Variants in SYNC observed in about 807,000 individuals in gnomAD.
SYNC encodes syncoilin.
In SYNC, 38 loss-of-function variants were observed where a neutral mutation model predicts 49.5. The observed-to-expected ratio is 0.77, with a 90% CI of 0.59 to 1.01. The LOEUF is 1.01. Among genes scored for constraint, SYNC ranks in the 50% least tolerant of loss-of-function variants. The pLI is 0.00. For synonymous variants in SYNC, 201 were observed against 230.8 expected (o/e 0.87, Z 1.17); for missense variants, 579 against 580.6 (o/e 1.00, Z 0.03).
In SYNC at chr1:32,680,839, A is replaced by G; in HGVS notation, c.*1011T>C. On this transcript the variant is annotated 3_prime_UTR_variant, in exon 5 of 5. Transcript: ENST00000409190. Reference sequence around the variant, plus strand: ...CTTCCCAGGGAAAGTGAAAGACATAAAACACTGAATCAGAGGTGGCACAGA... The same window carrying G: ...CTTCCCAGGGAAAGTGAAAGACATAGAACACTGAATCAGAGGTGGCACAGA... The G allele has an allele frequency of 2.8e-6, 1 of 361,110 alleles. No homozygotes were observed. Among genetic ancestry groups the G allele is most frequent in the Non-Finnish European group, 5.0e-6 (1 of 200,028 alleles). The allele number at this position is 361,110 out of a possible 1,614,324, so 22.4% of individuals were successfully genotyped here.
chr1:32,698,342 C>A (rs1650524377), intron 1 of SYNC, among the ~76,000 whole-genome samples: 1 of 151,818 alleles, frequency 6.6e-6, no homozygotes, highest in African/African-American at 2.4e-5. Context: ...CACAGTGAAA[C>A]CCCGTCTCTA....
upstream of SYNC, chr1:32,703,581 C>G (rs1045382430): frequency 6.6e-6 from 1 of 152,274 alleles, no homozygotes; most frequent in Non-Finnish European, 1.5e-5. Flanking sequence ...CTTCGGATTC[C>G]TTTTTCCACT....
In SYNC at chr1:32,684,094, A is replaced by G. The variant is rs1649641094; in HGVS notation, c.1359-5T>C. 1 of 1,609,262 alleles carries G rather than the reference A, an allele frequency of 6.2e-7. No individual in the cohort carries two copies. ...CTCTTGGGTAGTAGCATAGCCCTTT[A>G]AAAAGAGAGAGCCATTTTCCATGTG... On this transcript the variant is annotated splice_polypyrimidine_tract_variant and splice_region_variant and intron_variant, in intron 3 of 4. Transcript: ENST00000409190.
rs749756205 is a variant in SYNC at position 32,684,307 on chromosome 1, CTT to C, written c.1307_1308del (p.Lys436ArgfsTer11). 4.3e-6 allele frequency: 7 copies of C among 1,614,064 alleles called. No homozygotes were observed. Among genetic ancestry groups the C allele is most frequent in the African/African-American group, 2.7e-5 (2 of 74,924 alleles). On this transcript the variant is annotated frameshift_variant, in exon 3 of 5. Transcript: ENST00000409190. LOFTEE classifies it high-confidence loss of function. ...NGVQLQQQKN[K>X]EMEQLRLSLA... is the part of the protein sequence containing the mutation. The stretch of plus-strand genomic sequence containing the variant: ...AGACTGAGCCTTAGCTGTTCCATCT[CTT>C]TGTTCTTCTGTTGCTGGAGTTGCAC...
Position 32,680,885 on chromosome 1 carries a change from G to A in SYNC, c.*965C>T, listed in dbSNP as rs1018425759. 5.1e-5 allele frequency: 13 copies of A among 252,624 alleles called. No homozygotes were observed. Among genetic ancestry groups the A allele is most frequent in the Admixed American group, 2.2e-4 (4 of 18,478 alleles). 15.6% of individuals were successfully genotyped at this position (252,624 alleles called of 1,614,324 possible). On this transcript the variant is annotated 3_prime_UTR_variant, in exon 5 of 5. Coordinates refer to ENST00000409190, the MANE Select transcript of SYNC (RefSeq NM_030786.3). ...ACAGATTAGTCTTTGATAAGGTAAC[G>A]TTTCTTTGAAGTCTATCTGTAGAGA...
chr1:32,687,128 G>T (rs1472335550), intron 2 of SYNC, among the ~76,000 whole-genome samples: 1 of 152,126 alleles, frequency 6.6e-6, no homozygotes, highest in Non-Finnish European at 1.5e-5. Flanking sequence ...GGGAGGTTGA[G>T]GCGGGTGGAT....
chr1:32,700,004 T>G (rs1156407319), intron 1 of SYNC, among the ~76,000 whole-genome samples: 1 of 152,060 alleles, frequency 6.6e-6, no homozygotes, highest in Non-Finnish European at 1.5e-5. Flanking sequence ...AGTGCTGGGA[T>G]TACAGGCATA....
chr1:32,687,855 A>ATTATTATTATTATTATTATTATT (rs71006359), intron 2 of SYNC, among the ~76,000 whole-genome samples: 28,003 of 135,070 alleles, frequency 0.21, 3,338 homozygotes, highest in Non-Finnish European at 0.23. Flanking sequence ...TATTATTATT[A>ATTATTATTATTATTATTATTATT]TTATTATTTT....
Position 32,702,460 on chromosome 1 carries a change from C to T in SYNC, c.53+148G>A, listed in dbSNP as rs1650703359. The T allele has an allele frequency of 8.7e-6, 6 of 691,736 alleles. No homozygotes were observed. In the South Asian group the frequency reaches 4.3e-4, roughly 50 times the overall value. 42.8% of individuals were successfully genotyped at this position (691,736 alleles called of 1,614,324 possible). On this transcript the variant is annotated intron_variant, in intron 1 of 4. Transcript: ENST00000409190. The surrounding 1 kb of genome is among the most constrained non-coding windows in gnomAD (Gnocchi z 6.2). ...CCGGGACGGCCCGACTCCCCGATGT[C>T]CCCTCACGAGGCGGCTCCAGTGCCC...
intron 2 of SYNC, among the ~76,000 whole-genome samples, chr1:32,693,702 T>G (rs1352709192): frequency 1.3e-5 from 2 of 152,188 alleles, no homozygotes; most frequent in African/African-American, 2.4e-5. Context: ...TACGTAATTG[T>G]TTATTCACTT....
chr1:32,683,913 G>A (rs1649621256), intron 4 of SYNC, 97 bp downstream of exon 4: 8 of 1,254,542 alleles, frequency 6.4e-6, no homozygotes, highest in African/African-American at 1.5e-5. Context: ...GATTACAGGC[G>A]TGAGCCACCC....
chr1:32,689,802 G>A (rs925634382), intron 2 of SYNC, among the ~76,000 whole-genome samples: 19 of 151,936 alleles, frequency 1.3e-4, no homozygotes, highest in African/African-American at 2.9e-4. Context: ...TTAGCTGGGC[G>A]TGGTGGCGTG....
chr1:32,700,200 T>C lies in SYNC; in HGVS notation c.53+2408A>G, dbSNP rs1282412446. 2.0e-5 allele frequency among the ~76,000 whole-genome samples: 3 copies of C among 152,262 alleles called. No individual in the cohort carries two copies. The East Asian group carries it at 5.8e-4, about 29-fold the overall frequency. ...CCTAACTAGAGAACCCTGTACTACCTGGGAAGGCAGAGCTCCTAGAGCCAG... is the reference window on the plus strand; with the variant it reads ...CCTAACTAGAGAACCCTGTACTACCCGGGAAGGCAGAGCTCCTAGAGCCAG... On this transcript the variant is annotated intron_variant, in intron 1 of 4. Transcript: ENST00000409190.
chr1:32,701,650 T>C (rs360509), intron 1 of SYNC, among the ~76,000 whole-genome samples: 11,164 of 152,196 alleles, frequency 0.073, 1,376 homozygotes, highest in African/African-American at 0.25. Context: ...CCGCCTCTTT[T>C]AAACAGAGAG....
intron 2 of SYNC, among the ~76,000 whole-genome samples, chr1:32,687,523 T>C (rs553614295): frequency 2.6e-5 from 4 of 151,364 alleles, no homozygotes; most frequent in Admixed American, 2.0e-4. Context: ...ATACAAAAAT[T>C]AGTTGGGCAT....
At position 32,691,578 on chromosome 1, in the gene SYNC, C is replaced by T. The variant is rs941654570; in HGVS notation, c.1233+3287G>A. On this transcript the variant is annotated intron_variant, in intron 2 of 4. Transcript: ENST00000409190. The stretch of plus-strand genomic sequence containing the variant: ...AGAAAAAAAAAAAAAAGTAGCAAGG[C>T]AATCATGTTACTTCCCTGATTAAAT... Among the ~76,000 whole-genome samples, 18 of 148,574 alleles carry T rather than the reference C, an allele frequency of 1.2e-4. No homozygotes were observed. In the East Asian group the frequency reaches 1.4e-3, roughly 11 times the overall value.
Position 32,696,062 on chromosome 1 carries a change from G to T in SYNC, c.54-18C>A. 1 of 1,527,522 alleles carries T rather than the reference G, an allele frequency of 6.5e-7. No individual in the cohort carries two copies. Among genetic ancestry groups the T allele is most frequent in the Non-Finnish European group, 8.8e-7 (1 of 1,140,742 alleles). 94.6% of individuals were successfully genotyped at this position (1,527,522 alleles called of 1,614,324 possible). ...TTGTTTTCCTGCAAAAGAAATGATT[G>T]AAAGTGAAAGGGCAGCCACAATCCC... On this transcript the variant is annotated intron_variant, in intron 1 of 4. Transcript: ENST00000409190.
At chr1:32,700,000 G>A (rs1347579026) in intron 1 of SYNC, among the ~76,000 whole-genome samples, 1 of 151,980 alleles carries the variant, frequency 6.6e-6, no homozygotes, top group East Asian at 1.9e-4. Context: ...CCAAAGTGCT[G>A]GGATTACAGG....
At chr1:32,683,953 G>A in intron 4 of SYNC, 57 bp downstream of exon 4, 2 of 1,550,512 alleles carry the variant, frequency 1.3e-6, no homozygotes, top group Admixed American at 3.4e-5. Flanking sequence ...GCATTAATTA[G>A]TATTGTTAGG....
Sources: allele counts gnomAD v4.1 joint callset (sites outside exome capture counted in the v4.1 genomes callset), GRCh38; gene constraint gnomAD v4.1.1; non-coding constraint Gnocchi (gnomAD v3.1); transcripts MANE v1.5; gene names NCBI Gene and HGNC (gene_info 2026-07-23, HGNC 2026-07-21).